The following MTMR2 variants were observed in gnomAD, a reference collection of about 807,000 sequenced individuals.
The protein encoded by MTMR2 is phosphatidylinositol-3,5-bisphosphate 3-phosphatase MTMR2.
Under a neutral mutation model 86.9 loss-of-function variants are expected in MTMR2, and 55 were observed. The ratio of observed to expected loss-of-function variants is 0.63; its 90% CI spans 0.51 to 0.79. The LOEUF (loss-of-function observed/expected upper bound fraction) is 0.79. MTMR2 is among the 30% of genes least tolerant of loss of function. The pLI is 0.00. For synonymous variants in MTMR2, 241 were observed against 266.8 expected (o/e 0.90, Z 0.94); for missense variants, 659 against 772.3 (o/e 0.85, Z 1.74).
At chr11:95,857,502 G>T in intron 7 of MTMR2, 50 bp downstream of exon 7, 2 of 1,355,072 alleles carry the variant, frequency 1.5e-6, no homozygotes, top group Non-Finnish European at 2.1e-6. Flanking sequence ...GTTTTCTTTG[G>T]AATGAAAAGA....
intron 1 of MTMR2, among the ~76,000 whole-genome samples, chr11:95,912,480 T>G (rs1202614723): frequency 6.6e-6 from 1 of 151,400 alleles, no homozygotes; most frequent in African/African-American, 2.4e-5. Flanking sequence ...AGAATAAAAA[T>G]GTCTTGAAAT....
At chr11:95,906,233 A>G (rs1448128652) in intron 1 of MTMR2, among the ~76,000 whole-genome samples, 1 of 152,212 alleles carries the variant, frequency 6.6e-6, no homozygotes, top group East Asian at 1.9e-4. Flanking sequence ...TCAAAAACAA[A>G]CAAACAAACA....
At chr11:95,875,465 C>T (rs1170393515) in intron 2 of MTMR2, among the ~76,000 whole-genome samples, 5 of 152,214 alleles carry the variant, frequency 3.3e-5, no homozygotes, top group Non-Finnish European at 7.3e-5. Context: ...TTCAGGACTT[C>T]ACTGCATTGG....
intron 10 of MTMR2, among the ~76,000 whole-genome samples, chr11:95,847,380 A>G (rs1367503950): frequency 6.6e-6 from 1 of 152,204 alleles, no homozygotes; most frequent in African/African-American, 2.4e-5. Flanking sequence ...TTAGATGGAA[A>G]GACAGGGTAA....
At chr11:95,892,593 G>A (rs693830) in intron 1 of MTMR2, among the ~76,000 whole-genome samples, 42,770 of 151,936 alleles carry the variant, frequency 0.28, 10,829 homozygotes, top group African/African-American at 0.68. Flanking sequence ...AGATTTCCTA[G>A]GCCTATATAC....
chr11:95,886,222 G>T (rs1471676452), intron 2 of MTMR2, among the ~76,000 whole-genome samples: 1 of 152,090 alleles, frequency 6.6e-6, no homozygotes, highest in African/African-American at 2.4e-5. Context: ...TTCATTATGT[G>T]GAACAAATGT....
At chr11:95,902,400 TTG>T (rs1161844996) in intron 1 of MTMR2, among the ~76,000 whole-genome samples, 1 of 152,172 alleles carries the variant, frequency 6.6e-6, no homozygotes, top group Admixed American at 6.6e-5. Context: ...AAGCCCCAGA[TTG>T]TGAGTGTCCC....
intron 1 of MTMR2, among the ~76,000 whole-genome samples, chr11:95,906,437 C>T (rs1217356144): frequency 6.6e-6 from 1 of 152,100 alleles, no homozygotes; most frequent in African/African-American, 2.4e-5. Flanking sequence ...CTTAGATAAC[C>T]ACACAATAAT....
chr11:95,886,652 A>G (rs1344797118), intron 2 of MTMR2, among the ~76,000 whole-genome samples: 1 of 152,186 alleles, frequency 6.6e-6, no homozygotes, highest in African/African-American at 2.4e-5. Flanking sequence ...GGTAGGATAT[A>G]GGCATAAGCA....
At chr11:95,923,177 T>C (rs534565829) in intron 1 of MTMR2, among the ~76,000 whole-genome samples, 2 of 152,256 alleles carry the variant, frequency 1.3e-5, no homozygotes, top group East Asian at 3.9e-4. Flanking sequence ...ACAAGAGAAA[T>C]GACAACGTGG....
chr11:95,858,655 G>C, intron 5 of MTMR2, 23 bp from the exon 6 acceptor site: 1 of 1,403,102 alleles, frequency 7.1e-7, no homozygotes, highest in East Asian at 2.3e-5. Flanking sequence ...TAGGAACCAA[G>C]TTAATAATTG....
chr11:95,865,680 G>A lies in MTMR2; in HGVS notation c.187-4C>T. 1 of 1,591,338 alleles carries A rather than the reference G, an allele frequency of 6.3e-7. No homozygotes were observed. Among genetic ancestry groups the A allele is most frequent in the Non-Finnish European group, 8.6e-7 (1 of 1,161,992 alleles). On this transcript the variant is annotated splice_polypyrimidine_tract_variant and splice_region_variant and intron_variant, in intron 2 of 14. Transcript: ENST00000346299. ...ACTTGTTAGACTCCCTCAGGACCTG[G>A]GGTGGGAAAGACAAAAAAAGAAACA...
chr11:95,877,591 G>C (rs942344654), intron 2 of MTMR2, among the ~76,000 whole-genome samples: 2 of 152,096 alleles, frequency 1.3e-5, no homozygotes, highest in Admixed American at 1.3e-4. Flanking sequence ...TTTGGAAATA[G>C]GGTTGTTGCA....
chr11:95,835,320 C>G lies in MTMR2; in HGVS notation c.1902G>C (p.Gln634His). ...SSSERASSPA[Q>H]CVTPVQTVV Reference sequence around the variant, plus strand: ...CAACAGTTTGGACAGGAGTGACACACTGTGCAGGAGAGCTGGCTCTCTCTG... The same window carrying G: ...CAACAGTTTGGACAGGAGTGACACAGTGTGCAGGAGAGCTGGCTCTCTCTG... The change falls in exon 15 of 15, where the codon CAG becomes CAC. Residue 634 changes from glutamine to histidine, a missense_variant. Transcript: ENST00000346299. 6.2e-7 allele frequency: 1 copy of G among 1,613,026 alleles called. No homozygotes were observed. The highest frequency in any genetic ancestry group is 8.5e-7 in the Non-Finnish European group (1 of 1,179,308).
chr11:95,849,620 C>G, intron 9 of MTMR2, 54 bp downstream of exon 9: 1 of 1,545,320 alleles, frequency 6.5e-7, no homozygotes, highest in Non-Finnish European at 8.9e-7. Flanking sequence ...GTGGCCCTGC[C>G]AAACTCAGCT....
intron 10 of MTMR2, among the ~76,000 whole-genome samples, chr11:95,845,451 C>T (rs2135427529): frequency 6.6e-6 from 1 of 152,170 alleles, no homozygotes; most frequent in South Asian, 2.1e-4. Flanking sequence ...TAGAAAAGTT[C>T]TAAAGAGATC....
At chr11:95,885,003 G>C (rs144852145) in intron 2 of MTMR2, among the ~76,000 whole-genome samples, 173 of 151,964 alleles carry the variant, frequency 1.1e-3, no homozygotes, top group African/African-American at 4.0e-3. Flanking sequence ...TGCTTATTCA[G>C]CAAATAAAAA....
intron 10 of MTMR2, among the ~76,000 whole-genome samples, chr11:95,845,494 TTA>T: frequency 6.6e-6 from 1 of 152,146 alleles, no homozygotes; most frequent in East Asian, 1.9e-4. Flanking sequence ...CATCATCTAT[TTA>T]AATAAAAATA....
intron 7 of MTMR2, 141 bp downstream of exon 7, chr11:95,857,411 G>C: frequency 1.5e-6 from 1 of 679,920 alleles, no homozygotes; most frequent in Non-Finnish European, 2.6e-6. Flanking sequence ...CAGATTTCAA[G>C]ATTGAATTCT....
Sources: gnomAD v4.1 joint callset for allele counts (sites outside exome capture counted in the v4.1 genomes callset) on GRCh38, gnomAD v4.1.1 for gene constraint, MANE v1.5 for transcripts, NCBI Gene and HGNC (gene_info 2026-07-23, HGNC 2026-07-21) for gene names.